The following ZKSCAN7 variants were observed in gnomAD, a reference collection of about 807,000 sequenced individuals.
ZKSCAN7 encodes the protein zinc finger with KRAB and SCAN domains 7, also known as zinc finger protein with KRAB and SCAN domains 7.
Under a neutral mutation model 65.3 loss-of-function variants are expected in ZKSCAN7, and 38 were observed. That is an observed-to-expected ratio of 0.58 (90% CI 0.45 to 0.76). The LOEUF (loss-of-function observed/expected upper bound fraction) is 0.76. Among genes scored for constraint, ZKSCAN7 ranks in the 30% least tolerant of loss-of-function variants. The pLI is 0.00. For missense variants in ZKSCAN7, 815 were observed against 913.3 expected, an observed-to-expected ratio of 0.89 and a Z score of 1.39; for synonymous variants, 321 against 321.0, an observed-to-expected ratio of 1.00 and a Z score of 0.00.
intron 3 of ZKSCAN7, 92 bp from the exon 4 acceptor site, chr3:44,567,820 T>G: frequency 1.7e-6 from 1 of 590,568 alleles, no homozygotes; most frequent in East Asian, 2.9e-5. Flanking sequence ...TGGAGGTGCC[T>G]GGGTTCTCTT....
intron 5 of ZKSCAN7, chr3:44,580,822 A>T (rs201973157): frequency 1.2e-6 from 2 of 1,613,150 alleles, no homozygotes; most frequent in Admixed American, 3.3e-5. Flanking sequence ...TGTCGCTGCC[A>T]TTTCGGAGAC....
Position 44,570,121 on chromosome 3 carries a change from T to A in ZKSCAN7, c.1011T>A (p.Asp337Glu). The A allele has an allele frequency of 6.2e-7, 1 of 1,613,970 alleles. No homozygotes were observed. Among genetic ancestry groups the A allele is most frequent in the Non-Finnish European group, 8.5e-7 (1 of 1,179,976 alleles). ...SDEEGSRLEN[D>E]FLEITDEDKK... ...AAGAAGGGAGCAGACTAGAAAATGA[T>A]TTCTTGGAAATAACAGATGAAGATA... The change falls in exon 6 of 6, where the codon GAT (aspartate) becomes GAA (glutamate). Residue 337 changes from aspartate to glutamate, a missense_variant. Physicochemically the swap from Asp to Glu is conservative, Grantham distance 45. Around this residue, in one of 3 missense-constraint regions of ZKSCAN7, gnomAD observed 578 missense variants for 629.5 expected, o/e 0.92. Coordinates refer to ENST00000426540, the MANE Select transcript of ZKSCAN7 (RefSeq NM_001288590.2).
Position 44,568,451 on chromosome 3 carries a change from T to C in ZKSCAN7, c.811+18T>C, listed in dbSNP as rs1575370582. 6.2e-7 allele frequency: 1 copy of C among 1,611,170 alleles called. No individual in the cohort carries two copies. The highest frequency in any genetic ancestry group is 2.2e-5 in the East Asian group (1 of 44,882). On this transcript the variant is annotated intron_variant, in intron 5 of 5. Coordinates refer to ENST00000426540, the MANE Select transcript of ZKSCAN7 (RefSeq NM_001288590.2). ...CTCCTTGGGTAATGATTCTGTTTCC[T>C]AGTCACTTAAAGTCTGCATGCTGCA...
In ZKSCAN7 at chr3:44,570,776, T is replaced by G; in HGVS notation, c.1666T>G (p.Cys556Gly). 3 of 1,614,214 alleles carry G rather than the reference T, an allele frequency of 1.9e-6. No individual in the cohort carries two copies. Among genetic ancestry groups the G allele is most frequent in the Non-Finnish European group, 2.5e-6 (3 of 1,180,044 alleles). The stretch of plus-strand genomic sequence containing the variant: ...GGAGAAGCCTTATGAGTGTAGTGAA[T>G]GTGGCAAAGCCTTCAGTCGGAGTAA... ...TGEKPYECSE[C>G]GKAFSRSKCL... Residue 556 changes from cysteine to glycine, a missense_variant, in exon 6 of 6, where the codon TGT becomes GGT. Cys to Gly is a radical substitution (Grantham distance 159). Around this residue, in one of 3 missense-constraint regions of ZKSCAN7, gnomAD observed 578 missense variants for 629.5 expected, o/e 0.92. Coordinates refer to ENST00000426540, the MANE Select transcript of ZKSCAN7 (RefSeq NM_001288590.2).
rs1312069452 is a variant in ZKSCAN7, at chr3:44,570,101, G to A, written c.991G>A (p.Gly331Arg). Residue 331 changes from glycine (G) to arginine (R), a missense_variant, in exon 6 of 6, where the codon GGG becomes AGG. Physicochemically the swap from Gly to Arg is moderately radical, Grantham distance 125. Coordinates refer to ENST00000426540, the MANE Select transcript of ZKSCAN7 (RefSeq NM_001288590.2). ...AGAAGGACAAACCTCAGATGAAGAA[G>A]GGAGCAGACTAGAAAATGATTTCTT... ...ELEGQTSDEE[G>R]SRLENDFLEI... The A allele has an allele frequency of 1.2e-6, 2 of 1,613,954 alleles. No individual in the cohort carries two copies. The highest frequency in any genetic ancestry group is 3.3e-5 in the Admixed American group (2 of 59,988).
At chr3:44,565,454 C>T (rs765994306) in intron 2 of ZKSCAN7, 33 bp from the exon 3 acceptor site, 1 of 1,565,196 alleles carries the variant, frequency 6.4e-7, no homozygotes, top group South Asian at 1.2e-5. Flanking sequence ...CAAGGATGCT[C>T]TTTTGAACCC....
At chr3:44,567,413 A>G (rs1166755115) in intron 3 of ZKSCAN7, among the ~76,000 whole-genome samples, 1 of 152,194 alleles carries the variant, frequency 6.6e-6, no homozygotes, top group East Asian at 1.9e-4. Flanking sequence ...CACCCAAGTG[A>G]AATGTCCCAT....
chr3:44,578,973 T>C (rs1479299983), intron 5 of ZKSCAN7, among the ~76,000 whole-genome samples: 1 of 152,172 alleles, frequency 6.6e-6, no homozygotes, highest in Non-Finnish European at 1.5e-5. Flanking sequence ...GAGGCCTCCT[T>C]CTGGCTCTGC....
At chr3:44,562,167 G>C (rs1416091341) in intron 2 of ZKSCAN7, among the ~76,000 whole-genome samples, 1 of 152,200 alleles carries the variant, frequency 6.6e-6, no homozygotes, top group Admixed American at 6.5e-5. Flanking sequence ...CTCAACTCTT[G>C]CCTTCTGCAC....
chr3:44,570,066 T>C lies in ZKSCAN7; in HGVS notation c.956T>C (p.Phe319Ser), dbSNP rs180834056. 42 of 1,614,006 alleles carry C rather than the reference T, an allele frequency of 2.6e-5. No individual in the cohort carries two copies. The East Asian group carries it at 8.7e-4, about 33-fold the overall frequency. ...AETGDVCEDTFKELEGQTSDE... is the reference protein window; with the variant it reads ...AETGDVCEDTSKELEGQTSDE... ...ACTGGAGATGTTTGTGAAGATACTT[T>C]CAAGGAGTTAGAAGGACAAACCTCA... Residue 319 changes from phenylalanine to serine, a missense_variant, in exon 6 of 6, where the codon TTC becomes TCC. Physicochemically the swap from Phe to Ser is radical, Grantham distance 155. Transcript: ENST00000426540.
At position 44,557,124 on chromosome 3, in the gene ZKSCAN7, CTG is replaced by C. The variant is rs780092289; in HGVS notation, c.80_81del (p.Val27GlufsTer73). 6.2e-7 allele frequency: 1 copy of C among 1,614,252 alleles called. No individual in the cohort carries two copies. Among genetic ancestry groups the C allele is most frequent in the African/African-American group, 1.3e-5 (1 of 75,078 alleles). On this transcript the variant is annotated frameshift_variant, in exon 2 of 6. Coordinates refer to ENST00000426540, the MANE Select transcript of ZKSCAN7 (RefSeq NM_001288590.2). LOFTEE classifies it high-confidence loss of function. ...TTCCAGAAGCAAGAGGGGCGCCTGA[CTG>C]TGAAGCAGGAGCCAGCAAACCAGAC... is the stretch of plus-strand genomic sequence containing the variant.
At chr3:44,558,306 C>T (rs1699359681) in intron 2 of ZKSCAN7, among the ~76,000 whole-genome samples, 1 of 152,040 alleles carries the variant, frequency 6.6e-6, no homozygotes, top group Non-Finnish European at 1.5e-5. Context: ...GGGTGGATCA[C>T]TTGAGGTCAG....
chr3:44,572,849 C>CAA (rs11339297), downstream of ZKSCAN7, among the ~76,000 whole-genome samples: 56 of 72,370 alleles, frequency 7.7e-4, 3 homozygotes, highest in Middle Eastern at 0.014. Flanking sequence ...GACTCTGTCT[C>CAA]AAAAAAAAAA....
At chr3:44,560,623 C>T (rs1306393340) in intron 2 of ZKSCAN7, among the ~76,000 whole-genome samples, 3 of 151,460 alleles carry the variant, frequency 2.0e-5, no homozygotes, top group African/African-American at 7.3e-5. Flanking sequence ...ATTCTCCTGC[C>T]TCAGCCTCCT....
At position 44,569,952 on chromosome 3, in the gene ZKSCAN7, T is replaced by A. The variant is rs1699746188; in HGVS notation, c.842T>A (p.Leu281Ter). Residue 281 changes from leucine to a stop codon, truncating the protein, a stop_gained, in exon 6 of 6, where the codon TTG becomes TAG. Coordinates refer to ENST00000426540, the MANE Select transcript of ZKSCAN7 (RefSeq NM_001288590.2). LOFTEE classifies it high-confidence loss of function. ...AGENMMKGSELTPKQEFFKGS... is the reference protein window; with the variant it reads ...AGENMMKGSE ...GAGAACATGATGAAGGGTTCAGAGTTGACTCCAAAGCAGGAATTTTTTAAA... is the reference window on the plus strand; with the variant it reads ...GAGAACATGATGAAGGGTTCAGAGTAGACTCCAAAGCAGGAATTTTTTAAA... 5 of 1,561,314 alleles carry A rather than the reference T, an allele frequency of 3.2e-6. No homozygotes were observed. The highest frequency in any genetic ancestry group is 3.5e-6 in the Non-Finnish European group (4 of 1,158,490).
In ZKSCAN7 at chr3:44,558,716, C is replaced by T. The variant is rs184827112; in HGVS notation, c.423+1246C>T. ...TCTTCTTTGTCCTTTCTTCTTTTTC[C>T]TCCTCCTCCTCCTTTTATTCTCTTT... On this transcript the variant is annotated intron_variant, in intron 2 of 5. Coordinates refer to ENST00000426540, the MANE Select transcript of ZKSCAN7 (RefSeq NM_001288590.2). Among the ~76,000 whole-genome samples, 32 of 148,402 alleles carry T rather than the reference C, an allele frequency of 2.2e-4. No homozygotes were observed. In the East Asian group the frequency reaches 5.9e-3, roughly 27 times the overall value.
In ZKSCAN7 at chr3:44,570,421, A is replaced by C; in HGVS notation, c.1311A>C (p.Lys437Asn). The change falls in exon 6 of 6, where the codon AAA (lysine) becomes AAC (asparagine). Residue 437 changes from lysine to asparagine, a missense_variant. Physicochemically the swap from Lys to Asn is moderately conservative, Grantham distance 94. Around this residue, in one of 3 missense-constraint regions of ZKSCAN7, gnomAD observed 578 missense variants for 629.5 expected, o/e 0.92. Transcript: ENST00000426540. ...ATCTCAGAACCCACACAGGGGAAAA[A>C]CCCTATGAATGCAGTGAGTGTGGAA... Reference protein sequence around the residue: ...IVHLRTHTGEKPYECSECGKA... With the variant: ...IVHLRTHTGENPYECSECGKA... The C allele has an allele frequency of 3.1e-6, 5 of 1,613,758 alleles. No homozygotes were observed. Among genetic ancestry groups the C allele is most frequent in the Non-Finnish European group, 4.2e-6 (5 of 1,179,932 alleles).
chr3:44,580,836 T>G, intron 5 of ZKSCAN7: 2 of 1,613,462 alleles, frequency 1.2e-6, no homozygotes, highest in Non-Finnish European at 1.7e-6. Context: ...CGGAGACCGG[T>G]GCACTGAGTT....
chr3:44,571,101 A>C lies in ZKSCAN7; in HGVS notation c.1991A>C (p.Glu664Ala). The C allele has an allele frequency of 6.2e-7, 1 of 1,614,138 alleles. No homozygotes were observed. The highest frequency in any genetic ancestry group is 1.1e-5 in the South Asian group (1 of 91,072). The change falls in exon 6 of 6, where the codon GAA becomes GCA. Residue 664 changes from glutamate to alanine, a missense_variant. Glu to Ala is a moderately radical substitution (Grantham distance 107, BLOSUM62 -1). Around this residue, in one of 3 missense-constraint regions of ZKSCAN7, gnomAD observed 578 missense variants for 629.5 expected, o/e 0.92. Coordinates refer to ENST00000426540, the MANE Select transcript of ZKSCAN7 (RefSeq NM_001288590.2). ...ATTCACACTGGTGAGAAACCCTATG[A>C]ATGTAATGAGTGTGGGAAGGTATTC... Reference protein sequence around the residue: ...QRIHTGEKPYECNECGKVFSY... With the variant: ...QRIHTGEKPYACNECGKVFSY...
Sources: allele counts gnomAD v4.1 joint callset (sites outside exome capture counted in the v4.1 genomes callset), GRCh38; gene constraint gnomAD v4.1.1; regional missense constraint gnomAD v4.1.1; transcripts MANE v1.5; gene names NCBI Gene and HGNC (gene_info 2026-07-23, HGNC 2026-07-21).